COG5: variants seen among roughly 807,000 people sequenced by gnomAD.
COG5 encodes the protein component of oligomeric golgi complex 5.
COG5 carries 86 observed loss-of-function variants against 110.4 expected under a neutral mutation model. The ratio of observed to expected loss-of-function variants is 0.78; its 90% CI spans 0.65 to 0.93. The LOEUF (loss-of-function observed/expected upper bound fraction) is 0.93. Among genes scored for constraint, COG5 ranks in the 40% least tolerant of loss-of-function variants. COG5 has a pLI of 0.00. For synonymous variants in COG5, 360 were observed against 334.6 expected, an observed-to-expected ratio of 1.08 and a Z score of -0.83; for missense variants, 1,077 against 987.0, an observed-to-expected ratio of 1.09 and a Z score of -1.22.
chr7:107,450,701 T>C lies in COG5; in HGVS notation c.539-38069A>G, dbSNP rs1406729935. Reference sequence around the variant, plus strand: ...CTTATGATCAGGAGGATTGTCCTTATCTATTAAAGCTACTAACCCCAAGAT... The same window carrying C: ...CTTATGATCAGGAGGATTGTCCTTACCTATTAAAGCTACTAACCCCAAGAT... On this transcript the variant is annotated intron_variant, in intron 6 of 21. Coordinates refer to ENST00000297135, the MANE Select transcript of COG5 (RefSeq NM_006348.5). 2.0e-5 allele frequency among the ~76,000 whole-genome samples: 3 copies of C among 152,330 alleles called. No individual in the cohort carries two copies. In the East Asian group the frequency reaches 5.8e-4, roughly 29 times the overall value.
At chr7:107,265,227 C>T (rs1803701576) in intron 14 of COG5, among the ~76,000 whole-genome samples, 2 of 152,106 alleles carry the variant, frequency 1.3e-5, no homozygotes, top group Non-Finnish European at 2.9e-5. Flanking sequence ...AAAAGATAAT[C>T]TCATCAAGGT....
At chr7:107,417,525 A>G (rs1359825889) in intron 6 of COG5, among the ~76,000 whole-genome samples, 1 of 152,180 alleles carries the variant, frequency 6.6e-6, no homozygotes, top group East Asian at 1.9e-4. Flanking sequence ...ACATCTTTAT[A>G]AAGATTTTCA....
intron 14 of COG5, among the ~76,000 whole-genome samples, chr7:107,274,191 G>A (rs1201662744): frequency 6.6e-6 from 1 of 152,164 alleles, no homozygotes; most frequent in Non-Finnish European, 1.5e-5. Context: ...CTACTTGAGA[G>A]GCTGAGGCAG....
At chr7:107,555,649 A>G (rs1803254997) in intron 2 of COG5, among the ~76,000 whole-genome samples, 1 of 152,168 alleles carries the variant, frequency 6.6e-6, no homozygotes, top group South Asian at 2.1e-4. Flanking sequence ...AAAAAGCCTA[A>G]AACTATAGTT....
At chr7:107,541,180 A>G (rs946492255) in intron 5 of COG5, among the ~76,000 whole-genome samples, 4 of 150,112 alleles carry the variant, frequency 2.7e-5, no homozygotes, top group Admixed American at 1.3e-4. Context: ...ATAAACATGT[A>G]TATGTTCAAG....
At chr7:107,517,874 T>C (rs1800045977) in intron 6 of COG5, among the ~76,000 whole-genome samples, 1 of 152,020 alleles carries the variant, frequency 6.6e-6, no homozygotes, top group Admixed American at 6.6e-5. Context: ...ATTTTTCTAT[T>C]TTCAGTAGAG....
At chr7:107,469,232 C>T (rs1796488696) in intron 6 of COG5, among the ~76,000 whole-genome samples, 2 of 151,626 alleles carry the variant, frequency 1.3e-5, no homozygotes, top group African/African-American at 4.8e-5. Flanking sequence ...TAAGAAACAG[C>T]AATCTACTAA....
rs1243445692 is a variant in COG5 at position 107,202,860 on chromosome 7, T to A, written c.*656A>T. On this transcript the variant is annotated 3_prime_UTR_variant, in exon 22 of 22. Coordinates refer to ENST00000297135, the MANE Select transcript of COG5 (RefSeq NM_006348.5). ...GACAAAGTGTAACAAAAGCCTTGCT[T>A]TATTTAAAGATCCAGTATGACATAC... 1 of 152,096 alleles carries A rather than the reference T, an allele frequency of 6.6e-6. No homozygotes were observed. Among genetic ancestry groups the A allele is most frequent in the South Asian group, 2.1e-4 (1 of 4,840 alleles). The allele number at this position is 152,096 out of a possible 1,614,324, so 9.4% of individuals were successfully genotyped here. A position where few individuals can be genotyped will look rare whatever the true frequency, so the allele number is the denominator to read the frequency against.
intron 10 of COG5, among the ~76,000 whole-genome samples, chr7:107,350,552 AT>A (rs1160747707): frequency 6.6e-6 from 1 of 152,096 alleles, no homozygotes; most frequent in African/African-American, 2.4e-5. Flanking sequence ...GCCATTTTGC[AT>A]TGTTTTTATT....
intron 10 of COG5, among the ~76,000 whole-genome samples, chr7:107,337,402 G>A (rs1810796421): frequency 6.6e-6 from 1 of 152,108 alleles, no homozygotes; most frequent in Admixed American, 6.5e-5. Context: ...GTCCATTGAA[G>A]GATGAATGGA....
chr7:107,315,353 G>T (rs1197395183), intron 11 of COG5, among the ~76,000 whole-genome samples: 1 of 151,790 alleles, frequency 6.6e-6, no homozygotes, highest in Non-Finnish European at 1.5e-5. Context: ...ATTCATTCTT[G>T]GTTTGGGAAG....
At chr7:107,452,469 G>A (rs1047096232) in intron 6 of COG5, among the ~76,000 whole-genome samples, 6 of 152,154 alleles carry the variant, frequency 3.9e-5, no homozygotes, top group African/African-American at 1.4e-4. Context: ...CCCGGTGGGA[G>A]GTAATTGAAT....
intron 7 of COG5, among the ~76,000 whole-genome samples, chr7:107,399,268 G>A (rs1791251264): frequency 6.6e-6 from 1 of 152,024 alleles, no homozygotes; most frequent in Non-Finnish European, 1.5e-5. Context: ...AAAAGTGCAT[G>A]ATAACAGAAA....
At chr7:107,527,404 T>TGGA in intron 5 of COG5, 47 bp from the exon 6 acceptor site, 2 of 1,602,374 alleles carry the variant, frequency 1.2e-6, no homozygotes. Context: ...TGAAGTTTTA[T>TGGA]TACTATTAAT....
chr7:107,278,644 C>T (rs1448491946), intron 14 of COG5, among the ~76,000 whole-genome samples: 2 of 152,134 alleles, frequency 1.3e-5, no homozygotes, highest in African/African-American at 4.8e-5. Context: ...ACATCTACAA[C>T]CATCTGATCT....
chr7:107,554,474 T>A (rs900271786), intron 2 of COG5, 132 bp from the exon 3 acceptor site: 5 of 758,768 alleles, frequency 6.6e-6, no homozygotes, highest in African/African-American at 1.7e-5. Flanking sequence ...AACCACAGGT[T>A]TTTAAGGTGT....
intron 14 of COG5, among the ~76,000 whole-genome samples, chr7:107,267,828 G>A (rs1220043453): frequency 6.6e-6 from 1 of 152,120 alleles, no homozygotes; most frequent in East Asian, 1.9e-4. Flanking sequence ...GGTTGAGGTG[G>A]GAGGATCACT....
At chr7:107,412,466 A>AT (rs35718050) in intron 7 of COG5, 36 bp downstream of exon 7, 2 of 1,597,398 alleles carry the variant, frequency 1.3e-6, no homozygotes, top group East Asian at 2.3e-5. Context: ...ATTATGACAC[A>AT]TTTTTTACAT....
intron 10 of COG5, among the ~76,000 whole-genome samples, chr7:107,355,625 T>G (rs1254922132): frequency 6.6e-6 from 1 of 152,220 alleles, no homozygotes; most frequent in Non-Finnish European, 1.5e-5. Context: ...AATAAGCCAT[T>G]GAAGGAACCT....
Sources: gnomAD v4.1 joint callset for allele counts (sites outside exome capture counted in the v4.1 genomes callset) on GRCh38, gnomAD v4.1.1 for gene constraint, MANE v1.5 for transcripts, NCBI Gene and HGNC (gene_info 2026-07-23, HGNC 2026-07-21) for gene names.